GPC5: variants seen among roughly 807,000 people sequenced by gnomAD.
GPC5 encodes the protein glypican 5, also known as glypican-5.
In GPC5, 47 loss-of-function variants were observed where a neutral mutation model predicts 53.9. That is an observed-to-expected ratio of 0.87 (90% CI 0.69 to 1.11). The LOEUF (loss-of-function observed/expected upper bound fraction) is 1.11. Among genes scored for constraint, GPC5 ranks in the 50% most tolerant of loss-of-function variants. The pLI is 0.00. For synonymous variants in GPC5, 286 were observed against 263.3 expected (o/e 1.09, Z -0.84); for missense variants, 748 against 713.1 (o/e 1.05, Z -0.56).
chr13:92,166,987 CACACACACATAT>C (rs1169754017), intron 7 of GPC5, among the ~76,000 whole-genome samples: 12 of 138,644 alleles, frequency 8.7e-5, no homozygotes, highest in African/African-American at 2.3e-4. Flanking sequence ...CACACACACA[CACACACACATAT>C]ACACACGCCC....
chr13:92,797,886 G>A (rs1157381767), intron 7 of GPC5, among the ~76,000 whole-genome samples: 1 of 149,420 alleles, frequency 6.7e-6, no homozygotes, highest in African/African-American at 2.5e-5. Context: ...ATGATAGATA[G>A]TAGAGATAAT....
intron 2 of GPC5, among the ~76,000 whole-genome samples, chr13:91,688,436 A>T (rs2035669429): frequency 1.3e-5 from 2 of 152,208 alleles, no homozygotes; most frequent in Admixed American, 1.3e-4. Context: ...TATATTACAT[A>T]TATTTAGGTA....
chr13:91,738,121 C>T (rs2036853081), intron 4 of GPC5, among the ~76,000 whole-genome samples: 1 of 151,276 alleles, frequency 6.6e-6, no homozygotes, highest in Non-Finnish European at 1.5e-5. Flanking sequence ...GTAAACTTCG[C>T]ACTGGTGATA....
chr13:92,412,224 A>G (rs1402709628), intron 7 of GPC5, among the ~76,000 whole-genome samples: 1 of 151,374 alleles, frequency 6.6e-6, no homozygotes, highest in African/African-American at 2.4e-5. Flanking sequence ...AGGGGAAAAG[A>G]ACATTGAATT....
intron 7 of GPC5, among the ~76,000 whole-genome samples, chr13:92,778,452 T>C (rs963651277): frequency 5.9e-5 from 9 of 152,184 alleles, no homozygotes; most frequent in South Asian, 2.1e-4. Context: ...CTTGTCTTTA[T>C]TAAGAGTAAG....
chr13:91,924,130 G>A (rs1429651368), intron 6 of GPC5, among the ~76,000 whole-genome samples: 2 of 152,102 alleles, frequency 1.3e-5, no homozygotes, highest in Admixed American at 6.6e-5. Context: ...AATATTTGAT[G>A]TGCACTCTTT....
At chr13:92,032,222 A>C (rs1009274490) in intron 6 of GPC5, among the ~76,000 whole-genome samples, 7 of 150,584 alleles carry the variant, frequency 4.6e-5, no homozygotes, top group Non-Finnish European at 1.0e-4. Flanking sequence ...CACAAGTGGG[A>C]GCTAAGCTAT....
At chr13:92,059,457 C>T (rs1209094100) in intron 6 of GPC5, among the ~76,000 whole-genome samples, 1 of 151,980 alleles carries the variant, frequency 6.6e-6, no homozygotes, top group Non-Finnish European at 1.5e-5. Context: ...ATGTTAAAGA[C>T]ATACATATAG....
chr13:92,476,890 G>GT (rs1342365908), intron 7 of GPC5, among the ~76,000 whole-genome samples: 1 of 116,748 alleles, frequency 8.6e-6, no homozygotes, highest in Non-Finnish European at 1.7e-5. Context: ...TCTGGGGACT[G>GT]TTGTGGGGTG....
intron 5 of GPC5, among the ~76,000 whole-genome samples, chr13:91,822,023 G>A (rs939082684): frequency 2.6e-5 from 4 of 152,098 alleles, no homozygotes; most frequent in African/African-American, 9.7e-5. Flanking sequence ...TGGATTATTT[G>A]GAAAAAATTA....
chr13:92,588,511 T>C (rs551126073), intron 7 of GPC5, among the ~76,000 whole-genome samples: 2 of 152,230 alleles, frequency 1.3e-5, no homozygotes, highest in South Asian at 2.1e-4. Context: ...AGATCTGCTT[T>C]AGATAAGCCC....
chr13:92,619,693 A>G (rs756275607), intron 7 of GPC5, among the ~76,000 whole-genome samples: 3 of 152,060 alleles, frequency 2.0e-5, no homozygotes, highest in Non-Finnish European at 2.9e-5. Context: ...GAGAGATTCT[A>G]GACAAATAGC....
chr13:92,328,082 T>G (rs182924335), intron 7 of GPC5, among the ~76,000 whole-genome samples: 8 of 152,288 alleles, frequency 5.3e-5, no homozygotes, highest in African/African-American at 1.9e-4. Flanking sequence ...ACTGTGATGA[T>G]TCATGGAGTT....
intron 7 of GPC5, among the ~76,000 whole-genome samples, chr13:92,416,031 T>C (rs1876275326): frequency 6.6e-6 from 1 of 152,200 alleles, no homozygotes; most frequent in Admixed American, 6.5e-5. Context: ...AAAGGAGTTT[T>C]GATAAGCAGT....
chr13:92,598,562 T>A (rs1183060687), intron 7 of GPC5, among the ~76,000 whole-genome samples: 1 of 152,160 alleles, frequency 6.6e-6, no homozygotes, highest in Non-Finnish European at 1.5e-5. Context: ...AACTATGAAA[T>A]AGTAAAAAAT....
intron 7 of GPC5, among the ~76,000 whole-genome samples, chr13:92,354,526 G>T (rs2043506679): frequency 6.6e-6 from 1 of 152,170 alleles, no homozygotes; most frequent in South Asian, 2.1e-4. Flanking sequence ...GTATTACAGA[G>T]AATTTACTAT....
intron 2 of GPC5, among the ~76,000 whole-genome samples, chr13:91,656,459 T>A (rs528340676): frequency 4.9e-4 from 74 of 152,304 alleles, no homozygotes; most frequent in African/African-American, 1.6e-3. Flanking sequence ...TTTGCCTAAT[T>A]GTTACACAGC....
chr13:92,101,838 G>A (rs2041469694), intron 6 of GPC5, among the ~76,000 whole-genome samples: 1 of 152,068 alleles, frequency 6.6e-6, no homozygotes, highest in Admixed American at 6.5e-5. Context: ...TTCTCCTCTG[G>A]CATGTGATGA....
chr13:92,482,086 G>A (rs529640622), intron 7 of GPC5, among the ~76,000 whole-genome samples: 17 of 151,768 alleles, frequency 1.1e-4, no homozygotes, highest in Admixed American at 3.3e-4. Flanking sequence ...AGCCGAGATC[G>A]CACCATTGCA....
Sources: allele counts gnomAD v4.1 joint callset (sites outside exome capture counted in the v4.1 genomes callset), GRCh38; gene constraint gnomAD v4.1.1; transcripts MANE v1.5; gene names NCBI Gene and HGNC (gene_info 2026-07-23, HGNC 2026-07-21).